Variants in VRK2 observed in about 807,000 individuals in gnomAD.
VRK2 encodes VRK serine/threonine kinase 2, also known as serine/threonine-protein kinase VRK2.
A neutral mutation model predicts 57.6 loss-of-function variants in VRK2; 60 were observed. The ratio of observed to expected loss-of-function variants is 1.04; its 90% CI spans 0.85 to 1.29. The LOEUF (loss-of-function observed/expected upper bound fraction) is 1.29. Among genes scored for constraint, VRK2 ranks in the 50% most tolerant of loss-of-function variants. The pLI is 0.00. For synonymous variants in VRK2, 231 were observed against 199.2 expected, an observed-to-expected ratio of 1.16 and a Z score of -1.35; for missense variants, 705 against 588.1, an observed-to-expected ratio of 1.20 and a Z score of -2.06.
chr2:57,956,029 T>G (rs1423188260), intron 1 of VRK2, among the ~76,000 whole-genome samples: 2 of 152,124 alleles, frequency 1.3e-5, no homozygotes, highest in East Asian at 3.9e-4. Flanking sequence ...CTGTTAATAA[T>G]AAATACATTC....
chr2:57,927,147 T>C (rs1247467938), intron 1 of VRK2, among the ~76,000 whole-genome samples: 1 of 152,030 alleles, frequency 6.6e-6, no homozygotes, highest in Non-Finnish European at 1.5e-5. Flanking sequence ...AAGAGAAAAC[T>C]AATAAAACTC....
At chr2:58,056,294 A>C (rs958836230) in intron 2 of VRK2, among the ~76,000 whole-genome samples, 1 of 152,150 alleles carries the variant, frequency 6.6e-6, no homozygotes. Context: ...GAATACTTCA[A>C]CGTATTCAAA....
At chr2:58,141,500 A>G (rs531645414) in intron 11 of VRK2, among the ~76,000 whole-genome samples, 1 of 152,140 alleles carries the variant, frequency 6.6e-6, no homozygotes, top group South Asian at 2.1e-4. Flanking sequence ...GAGTAAAAAA[A>G]GCACTTAAAA....
At chr2:57,980,350 G>T (rs1430157789) in intron 1 of VRK2, among the ~76,000 whole-genome samples, 1 of 152,116 alleles carries the variant, frequency 6.6e-6, no homozygotes, top group Non-Finnish European at 1.5e-5. Flanking sequence ...GTTTTTGAGA[G>T]AACTTCTTGG....
chr2:58,060,298 T>A (rs1252327384), intron 2 of VRK2, among the ~76,000 whole-genome samples: 1 of 151,896 alleles, frequency 6.6e-6, no homozygotes, highest in Non-Finnish European at 1.5e-5. Flanking sequence ...TTGAGCAAGA[T>A]AAATCTTCTG....
rs545934187 is a variant in VRK2 at position 58,134,806 on chromosome 2, A to G, written c.798-335A>G. ...TCATTTCTCAAGTCGTGTCATATAA[A>G]ACTTTAATTAAATAAATTTGTTATA... On this transcript the variant is annotated intron_variant, in intron 9 of 12. Coordinates refer to ENST00000340157, the MANE Select transcript of VRK2 (RefSeq NM_006296.7). 1.9e-4 allele frequency among the ~76,000 whole-genome samples: 29 copies of G among 152,208 alleles called. 1 individual carries two copies. The highest frequency in any genetic ancestry group is 5.8e-4 in the African/African-American group (24 of 41,538).
At chr2:57,948,064 T>G (rs962643624) in intron 1 of VRK2, among the ~76,000 whole-genome samples, 1 of 152,200 alleles carries the variant, frequency 6.6e-6, no homozygotes, top group Non-Finnish European at 1.5e-5. Flanking sequence ...TCATAGGATT[T>G]AAGTTCCCAG....
intron 7 of VRK2, among the ~76,000 whole-genome samples, chr2:58,115,563 G>A (rs1172165221): frequency 6.6e-6 from 1 of 152,196 alleles, no homozygotes; most frequent in Non-Finnish European, 1.5e-5. Context: ...GGACAGAAAG[G>A]CTACACGGTG....
At chr2:58,040,669 A>C (rs1287031324) in intron 3 of VRK2, among the ~76,000 whole-genome samples, 1 of 152,210 alleles carries the variant, frequency 6.6e-6, no homozygotes, top group Non-Finnish European at 1.5e-5. Flanking sequence ...AGAATGTCAG[A>C]GATAGAGCTG....
Position 58,059,313 on chromosome 2 carries a change from G to T in VRK2, c.136+10346G>T, listed in dbSNP as rs575887379. 3.3e-4 allele frequency among the ~76,000 whole-genome samples: 50 copies of T among 152,056 alleles called. No individual in the cohort carries two copies. In the South Asian group the frequency reaches 0.01, roughly 31 times the overall value. On this transcript the variant is annotated intron_variant, in intron 2 of 12. Coordinates refer to ENST00000340157, the MANE Select transcript of VRK2 (RefSeq NM_006296.7). ...TGCCTTTGCAAAACTGAATACATTT[G>T]TCTAGTTTTATACATTTTATACATT...
chr2:57,951,924 CTTTTTTT>C (rs77314112), intron 1 of VRK2, among the ~76,000 whole-genome samples: 1 of 128,758 alleles, frequency 7.8e-6, no homozygotes, highest in African/African-American at 2.9e-5. Context: ...TTTTTCCTTC[CTTTTTTT>C]TTTTTTTTTT....
At chr2:57,908,810 C>G (rs2103877675) in intron 1 of VRK2, among the ~76,000 whole-genome samples, 1 of 152,270 alleles carries the variant, frequency 6.6e-6, no homozygotes, top group South Asian at 2.1e-4. Context: ...CCCTGAGCAG[C>G]TAAAACGAGT....
chr2:58,100,665 A>T (rs1292270021), intron 7 of VRK2, among the ~76,000 whole-genome samples: 2 of 151,738 alleles, frequency 1.3e-5, no homozygotes, highest in Non-Finnish European at 3.0e-5. Context: ...ATATACTTTC[A>T]CTTAATTTTT....
intron 7 of VRK2, 97 bp downstream of exon 7, chr2:58,089,820 G>A (rs1343189555): frequency 1.3e-6 from 1 of 769,750 alleles, no homozygotes; most frequent in Non-Finnish European, 2.2e-6. Context: ...TACAAATGAG[G>A]GCGTAACATG....
intron 1 of VRK2, among the ~76,000 whole-genome samples, chr2:57,954,669 T>A (rs1306445647): frequency 6.6e-6 from 1 of 152,062 alleles, no homozygotes; most frequent in East Asian, 1.9e-4. Flanking sequence ...ATGTCAATAA[T>A]GATACTAGAT....
intron 2 of VRK2, among the ~76,000 whole-genome samples, chr2:58,061,588 A>G (rs938303215): frequency 6.6e-6 from 1 of 152,012 alleles, no homozygotes; most frequent in African/African-American, 2.4e-5. Flanking sequence ...GTAAGTAAAC[A>G]GTAAAGCAAT....
At chr2:57,937,494 T>C (rs1163359855) in intron 1 of VRK2, among the ~76,000 whole-genome samples, 2 of 152,248 alleles carry the variant, frequency 1.3e-5, no homozygotes, top group Admixed American at 6.5e-5. Context: ...CTTGTTGTAA[T>C]TGTATTCTAC....
At chr2:58,094,346 A>G (rs1228371733) in intron 7 of VRK2, among the ~76,000 whole-genome samples, 2 of 152,170 alleles carry the variant, frequency 1.3e-5, no homozygotes, top group African/African-American at 4.8e-5. Flanking sequence ...TCCATTGAGC[A>G]GTGGTTTGTA....
intron 1 of VRK2, among the ~76,000 whole-genome samples, chr2:57,938,523 G>C (rs900545300): frequency 6.6e-6 from 1 of 152,132 alleles, no homozygotes; most frequent in South Asian, 2.1e-4. Context: ...GTACTTTCTA[G>C]AAAACAGGAT....
Sources: allele counts gnomAD v4.1 joint callset (sites outside exome capture counted in the v4.1 genomes callset), GRCh38; gene constraint gnomAD v4.1.1; transcripts MANE v1.5; gene names NCBI Gene and HGNC (gene_info 2026-07-23, HGNC 2026-07-21).